The following ISM1 variants were observed in gnomAD, a reference collection of about 807,000 sequenced individuals.
The protein encoded by ISM1 is isthmin 1.
ISM1 carries 25 observed loss-of-function variants against 46.3 expected under a neutral mutation model. The ratio of observed to expected loss-of-function variants is 0.54; its 90% CI spans 0.39 to 0.75. ISM1 has a LOEUF of 0.75. ISM1 is among the 30% of genes least tolerant of loss of function. The pLI is 0.00. For missense variants in ISM1, 536 were observed against 625.4 expected, an observed-to-expected ratio of 0.86 and a Z score of 1.52; for synonymous variants, 255 against 256.7, an observed-to-expected ratio of 0.99 and a Z score of 0.06.
chr20:13,256,038 G>A (rs2123207462), intron 1 of ISM1, among the ~76,000 whole-genome samples: 1 of 152,082 alleles, frequency 6.6e-6, no homozygotes, highest in East Asian at 1.9e-4. Context: ...CAGTAGGAGA[G>A]CATCAGGCTG....
downstream of ISM1, among the ~76,000 whole-genome samples, chr20:13,304,907 T>C (rs1277034416): frequency 6.6e-6 from 1 of 152,190 alleles, no homozygotes; most frequent in African/African-American, 2.4e-5. Context: ...CTCGCTGGAA[T>C]CTTCTACCAA....
At chr20:13,275,217 T>C (rs1325869243) in intron 2 of ISM1, among the ~76,000 whole-genome samples, 1 of 151,590 alleles carries the variant, frequency 6.6e-6, no homozygotes, top group African/African-American at 2.4e-5. Context: ...AAAATAGTCA[T>C]GTAAAGGCCT....
intron 3 of ISM1, among the ~76,000 whole-genome samples, chr20:13,282,454 T>C (rs1421006967): frequency 1.3e-5 from 2 of 152,220 alleles, no homozygotes; most frequent in African/African-American, 4.8e-5. Flanking sequence ...AGAGTACAGT[T>C]TGCTGAATTT....
At chr20:13,265,357 C>G (rs1188316537) in intron 1 of ISM1, among the ~76,000 whole-genome samples, 3 of 152,118 alleles carry the variant, frequency 2.0e-5, no homozygotes, top group African/African-American at 4.8e-5. Context: ...TAATACCTAC[C>G]TCAAATGGTA....
At chr20:13,236,763 G>A (rs1165634069) in intron 1 of ISM1, among the ~76,000 whole-genome samples, 1 of 152,172 alleles carries the variant, frequency 6.6e-6, no homozygotes, top group Non-Finnish European at 1.5e-5. Context: ...AATCCAGCAG[G>A]GCAGTTAAAT....
At chr20:13,278,373 G>A (rs1020253191) in intron 2 of ISM1, among the ~76,000 whole-genome samples, 15 of 152,196 alleles carry the variant, frequency 9.9e-5, no homozygotes, top group Admixed American at 7.8e-4. Context: ...CATGGGGTGA[G>A]TGAAAATTGT....
chr20:13,313,585 A>G, the ISM1 span, among the ~76,000 whole-genome samples: 1 of 152,140 alleles, frequency 6.6e-6, no homozygotes, highest in Admixed American at 6.6e-5. Context: ...AGACTGCCTG[A>G]TTTTGCAAAT....
At chr20:13,290,004 G>C (rs992507649) in intron 4 of ISM1, among the ~76,000 whole-genome samples, 1 of 152,166 alleles carries the variant, frequency 6.6e-6, no homozygotes, top group African/African-American at 2.4e-5. Flanking sequence ...AAGCACAAAG[G>C]CGTTTCTGAG....
Position 13,299,682 on chromosome 20 carries a change from G to A in ISM1, c.*223G>A. 2.1e-6 allele frequency: 1 copy of A among 479,904 alleles called. No individual in the cohort carries two copies. The highest frequency in any genetic ancestry group is 4.2e-5 in the South Asian group (1 of 24,068). 29.7% of individuals were successfully genotyped at this position (479,904 alleles called of 1,614,324 possible). A position where few individuals can be genotyped will look rare whatever the true frequency, so the allele number is the denominator to read the frequency against. On this transcript the variant is annotated 3_prime_UTR_variant, in exon 6 of 6. Transcript: ENST00000262487. This position sits in a 1 kb window ranked among gnomAD's most constrained non-coding sequence, Gnocchi z 5.8. ...TGCAGAGCTCCTTGAAAGTGCCCCT[G>A]GGGAGCGATGTGGGCAGAAGGATGG...
chr20:13,297,734 G>C (rs1034346762), intron 5 of ISM1, among the ~76,000 whole-genome samples: 3 of 152,218 alleles, frequency 2.0e-5, no homozygotes, highest in Non-Finnish European at 4.4e-5. Flanking sequence ...TTCAAATAAA[G>C]CCAGGAATCC....
At chr20:13,227,945 C>G (rs1231875392) in intron 1 of ISM1, among the ~76,000 whole-genome samples, 2 of 147,544 alleles carry the variant, frequency 1.4e-5, no homozygotes, top group African/African-American at 5.0e-5. Flanking sequence ...ATTTCTTTAT[C>G]TAGCTGCTGC....
At chr20:13,278,145 C>G (rs188086381) in intron 2 of ISM1, among the ~76,000 whole-genome samples, 1 of 152,156 alleles carries the variant, frequency 6.6e-6, no homozygotes, top group African/African-American at 2.4e-5. Flanking sequence ...AAGAGCTATG[C>G]GATGGCCAAA....
the ISM1 span, among the ~76,000 whole-genome samples, chr20:13,325,960 C>T: frequency 6.6e-6 from 1 of 152,210 alleles, no homozygotes; most frequent in Non-Finnish European, 1.5e-5. Context: ...CTTACCACCT[C>T]TTTATAGTCA....
chr20:13,312,124 G>C, the ISM1 span, among the ~76,000 whole-genome samples: 1 of 152,164 alleles, frequency 6.6e-6, no homozygotes, highest in African/African-American at 2.4e-5. Context: ...AGTTAAATCT[G>C]AGTATTGGGT....
chr20:13,245,190 C>T (rs146633971), intron 1 of ISM1: 1 of 152,268 alleles, frequency 6.6e-6, no homozygotes, highest in African/African-American at 2.4e-5. Context: ...CAAAAGAACA[C>T]ACGTTTATTA....
At chr20:13,277,643 C>CTT (rs33968434) in intron 2 of ISM1, among the ~76,000 whole-genome samples, 3 of 145,682 alleles carry the variant, frequency 2.1e-5, no homozygotes, top group Non-Finnish European at 4.5e-5. Context: ...CCCCCCTACC[C>CTT]TTTTTTTTTT....
chr20:13,269,934 AGGATGGATGGAT>A (rs60897306), intron 1 of ISM1, among the ~76,000 whole-genome samples: 6 of 149,798 alleles, frequency 4.0e-5, no homozygotes, highest in Non-Finnish European at 7.4e-5. Context: ...TGTGGGTGGA[AGGATGGATGGAT>A]GGATGGATGG....
intron 1 of ISM1, among the ~76,000 whole-genome samples, chr20:13,230,291 T>C (rs1351263686): frequency 6.6e-6 from 1 of 152,240 alleles, no homozygotes; most frequent in Non-Finnish European, 1.5e-5. Context: ...ATGTTCACTT[T>C]GTTCACTTTT....
the ISM1 span, among the ~76,000 whole-genome samples, chr20:13,317,935 G>C: frequency 6.6e-6 from 1 of 151,532 alleles, no homozygotes; most frequent in Non-Finnish European, 1.5e-5. Flanking sequence ...AAAAAAAAGT[G>C]TTGGTAAGCT....
Sources: allele counts gnomAD v4.1 joint callset (sites outside exome capture counted in the v4.1 genomes callset), GRCh38; gene constraint gnomAD v4.1.1; non-coding constraint Gnocchi (gnomAD v3.1); transcripts MANE v1.5; gene names NCBI Gene and HGNC (gene_info 2026-07-23, HGNC 2026-07-21).